Variants in MYZAP observed in about 807,000 individuals in gnomAD.
MYZAP encodes GRINL1A complex locus upstream.
MYZAP carries 66 observed loss-of-function variants against 69.4 expected under a neutral mutation model. The observed-to-expected ratio is 0.95, with a 90% CI of 0.78 to 1.17. The LOEUF (loss-of-function observed/expected upper bound fraction) is 1.17. Among genes scored for constraint, MYZAP ranks in the 50% most tolerant of loss-of-function variants. The pLI is 0.00. For missense variants in MYZAP, 611 were observed against 556.2 expected (o/e 1.10, Z -0.99); for synonymous variants, 256 against 205.9 (o/e 1.24, Z -2.09).
At chr15:57,646,787 C>T (rs1309557824) in intron 10 of MYZAP, 1 of 985,478 alleles carries the variant, frequency 1.0e-6, no homozygotes. Flanking sequence ...TTGCTTCTAT[C>T]ACCATCAGCA....
At chr15:57,628,325 C>T (rs902876254) in intron 5 of MYZAP, among the ~76,000 whole-genome samples, 22 of 152,102 alleles carry the variant, frequency 1.4e-4, no homozygotes, top group African/African-American at 5.1e-4. Context: ...GGCTGGAGTG[C>T]AGCAGTGTGA....
intron 2 of MYZAP, among the ~76,000 whole-genome samples, chr15:57,605,516 T>C (rs2034686121): frequency 6.6e-6 from 1 of 152,196 alleles, no homozygotes; most frequent in African/African-American, 2.4e-5. Flanking sequence ...AAGTGTTTGA[T>C]AATGTCCCTA....
chr15:57,657,353 C>T (rs1013674410), intron 10 of MYZAP, among the ~76,000 whole-genome samples: 9 of 151,954 alleles, frequency 5.9e-5, no homozygotes, highest in Non-Finnish European at 1.2e-4. Flanking sequence ...AAAGACATAC[C>T]GTGAGAGTAA....
At chr15:57,644,882 G>A (rs1014129971) in intron 10 of MYZAP, among the ~76,000 whole-genome samples, 4 of 152,216 alleles carry the variant, frequency 2.6e-5, no homozygotes. Context: ...AGGTACGCTT[G>A]TTAAATAGAT....
chr15:57,657,809 G>T (rs988730492), intron 10 of MYZAP, among the ~76,000 whole-genome samples: 19 of 152,086 alleles, frequency 1.2e-4, no homozygotes, highest in African/African-American at 3.4e-4. Context: ...CAGCTTTATG[G>T]CTCTTAATAT....
intron 5 of MYZAP, among the ~76,000 whole-genome samples, chr15:57,627,007 C>T (rs1298791976): frequency 6.7e-6 from 1 of 148,340 alleles, no homozygotes; most frequent in African/African-American, 2.5e-5. Flanking sequence ...TCCCTTCCTC[C>T]TGTGGTCGGG....
At chr15:57,613,273 A>C (rs546338297) in intron 2 of MYZAP, among the ~76,000 whole-genome samples, 31 of 152,190 alleles carry the variant, frequency 2.0e-4, no homozygotes, top group Admixed American at 7.2e-4. Flanking sequence ...GTATTGTTTC[A>C]TGCCCAGGAG....
intron 10 of MYZAP, among the ~76,000 whole-genome samples, chr15:57,651,606 A>T (rs2037730887): frequency 6.6e-6 from 1 of 152,190 alleles, no homozygotes; most frequent in Admixed American, 6.5e-5. Flanking sequence ...GCCCTCACAG[A>T]TGCTTACTTG....
intron 2 of MYZAP, among the ~76,000 whole-genome samples, chr15:57,617,817 A>G (rs1338000752): frequency 6.6e-6 from 1 of 152,146 alleles, no homozygotes; most frequent in Admixed American, 6.5e-5. Context: ...ACATTAGCAA[A>G]CGGTGCTCTT....
intron 7 of MYZAP, among the ~76,000 whole-genome samples, chr15:57,633,171 A>G (rs1273732185): frequency 6.6e-6 from 1 of 152,158 alleles, no homozygotes; most frequent in African/African-American, 2.4e-5. Flanking sequence ...GGCTTAATAC[A>G]TGTTCTGATG....
rs2039601931 is a variant in MYZAP, at chr15:57,684,550, T to C, written c.*52T>C. On this transcript the variant is annotated 3_prime_UTR_variant, in exon 13 of 13. Transcript: ENST00000267853. The stretch of plus-strand genomic sequence containing the variant: ...GATGGACAAAAGCTCTGGAACCCTG[T>C]GGCTTCAAATCCTTTGGGAAGGGTG... The C allele has an allele frequency of 1.7e-6, 2 of 1,187,174 alleles. No individual in the cohort carries two copies. The highest frequency in any genetic ancestry group is 3.1e-5 in the African/African-American group (2 of 65,350). 73.5% of individuals were successfully genotyped at this position (1,187,174 alleles called of 1,614,324 possible).
intron 4 of MYZAP, among the ~76,000 whole-genome samples, chr15:57,625,466 C>T (rs1464985001): frequency 2.6e-5 from 4 of 152,204 alleles, no homozygotes; most frequent in Non-Finnish European, 5.9e-5. Context: ...AGCGCCACTT[C>T]TGAGCTGTTT....
In MYZAP at chr15:57,674,960, A is replaced by T. The variant is rs772793648; in HGVS notation, c.1204-8A>T. The T allele has an allele frequency of 1.9e-6, 3 of 1,601,806 alleles. No individual in the cohort carries two copies. The highest frequency in any genetic ancestry group is 1.8e-5 in the Admixed American group (1 of 56,834). ...CTTACTGAAAGTACCTTTTTTTCTC[A>T]TCTCCAGAATAATGAACTACAAAGC... On this transcript the variant is annotated splice_region_variant and splice_polypyrimidine_tract_variant and intron_variant, in intron 11 of 12. Transcript: ENST00000267853.
At chr15:57,633,822 T>C in intron 8 of MYZAP, 81 bp downstream of exon 8, 2 of 1,343,012 alleles carry the variant, frequency 1.5e-6, no homozygotes, top group Admixed American at 5.8e-5. Context: ...AGGCCCTGGA[T>C]ATGGATTCCT....
chr15:57,635,232 C>G (rs193030764), intron 8 of MYZAP, among the ~76,000 whole-genome samples: 15 of 152,268 alleles, frequency 9.9e-5, no homozygotes, highest in African/African-American at 3.6e-4. Flanking sequence ...ACTTCTTATT[C>G]TTAGGGCTTT....
chr15:57,626,179 C>A (rs1160366004), intron 5 of MYZAP, among the ~76,000 whole-genome samples: 1 of 152,172 alleles, frequency 6.6e-6, no homozygotes, highest in African/African-American at 2.4e-5. Flanking sequence ...TGGTCCTCAG[C>A]ATCAGTGCCT....
chr15:57,633,905 G>A (rs920461497), intron 8 of MYZAP, among the ~76,000 whole-genome samples, 164 bp downstream of exon 8: 14 of 151,762 alleles, frequency 9.2e-5, no homozygotes, highest in South Asian at 4.2e-4. Context: ...GTCCAACAAC[G>A]TTCTCATTTT....
At chr15:57,660,717 A>G (rs1279518468) in intron 10 of MYZAP, among the ~76,000 whole-genome samples, 3 of 152,204 alleles carry the variant, frequency 2.0e-5, no homozygotes, top group Non-Finnish European at 2.9e-5. Context: ...TGTTCCCACT[A>G]TTATGCATAA....
intron 3 of MYZAP, among the ~76,000 whole-genome samples, 178 bp from the exon 4 acceptor site, chr15:57,621,430 T>G (rs368323209): frequency 3.3e-5 from 5 of 152,234 alleles, no homozygotes; most frequent in Admixed American, 1.3e-4. Flanking sequence ...GCCAGGGTGG[T>G]CTCGATCTCC....
Sources: gnomAD v4.1 joint callset for allele counts (sites outside exome capture counted in the v4.1 genomes callset) on GRCh38, gnomAD v4.1.1 for gene constraint, MANE v1.5 for transcripts, NCBI Gene and HGNC (gene_info 2026-07-23, HGNC 2026-07-21) for gene names.